CRACD: variants seen among roughly 807,000 people sequenced by gnomAD.
CRACD encodes capping protein inhibiting regulator of actin dynamics.
In CRACD, 56 loss-of-function variants were observed where a neutral mutation model predicts 106.8. The observed-to-expected ratio is 0.52, with a 90% confidence interval of 0.42 to 0.66. CRACD has a LOEUF of 0.66. CRACD is among the 30% of genes least tolerant of loss of function. CRACD has a pLI of 0.00. For synonymous variants in CRACD, 754 were observed against 670.8 expected, an observed-to-expected ratio of 1.12 and a Z score of -1.92; for missense variants, 1,730 against 1,623.2, an observed-to-expected ratio of 1.07 and a Z score of -1.13.
chr4:56,315,846 C>A lies in CRACD; in HGVS notation c.2344C>A (p.Pro782Thr). Residue 782 changes from proline (P) to threonine (T), a missense_variant, in exon 8 of 11, where the codon CCC (proline) becomes ACC (threonine). Pro to Thr is a conservative substitution (Grantham distance 38, BLOSUM62 -1). Coordinates refer to ENST00000682029, the MANE Select transcript of CRACD (RefSeq NM_001393381.1). The surrounding 1 kb of genome is among the most constrained non-coding windows in gnomAD (Gnocchi z 4.1). Reference sequence around the variant, plus strand: ...GGAGAAGTCGGAGATGCACCGGGAGCCCGCAGACACCACCGAGGGATGCAA... The same window carrying A: ...GGAGAAGTCGGAGATGCACCGGGAGACCGCAGACACCACCGAGGGATGCAA... The part of the protein sequence containing the change: ...GPEKSEMHRE[P>T]ADTTEGCKFA... The A allele has an allele frequency of 2.5e-6, 4 of 1,614,188 alleles. No homozygotes were observed. Among genetic ancestry groups the A allele is most frequent in the Non-Finnish European group, 3.4e-6 (4 of 1,180,044 alleles).
chr4:56,219,749 G>A (rs2109510184), intron 2 of CRACD, among the ~76,000 whole-genome samples: 1 of 152,316 alleles, frequency 6.6e-6, no homozygotes, highest in African/African-American at 2.4e-5. Flanking sequence ...AGTGTTCATT[G>A]TGAGCATTGG....
intron 1 of CRACD, among the ~76,000 whole-genome samples, chr4:56,119,625 G>T (rs981129263): frequency 2.0e-5 from 3 of 151,810 alleles, no homozygotes; most frequent in Admixed American, 6.6e-5. Context: ...GTGAGCCACC[G>T]CACCCAGCCC....
chr4:56,255,669 T>TGTCA (rs1560504596), intron 2 of CRACD, among the ~76,000 whole-genome samples: 1 of 152,126 alleles, frequency 6.6e-6, no homozygotes, highest in South Asian at 2.1e-4. Context: ...GGGCCATCCA[T>TGTCA]GTCAGTGAAA....
intron 2 of CRACD, among the ~76,000 whole-genome samples, chr4:56,187,302 C>A (rs1443532104): frequency 1.3e-5 from 2 of 152,026 alleles, no homozygotes; most frequent in Non-Finnish European, 2.9e-5. Flanking sequence ...AGCCTGCGGG[C>A]CTCCCAGAGG....
chr4:56,157,558 C>T (rs188014555), intron 1 of CRACD, among the ~76,000 whole-genome samples: 1 of 152,208 alleles, frequency 6.6e-6, no homozygotes, highest in Admixed American at 6.5e-5. Context: ...CAAATACCAT[C>T]GCTGAGCAAA....
At chr4:56,073,597 G>A (rs577478159) in intron 1 of CRACD, among the ~76,000 whole-genome samples, 24 of 151,930 alleles carry the variant, frequency 1.6e-4, no homozygotes, top group Non-Finnish European at 2.5e-4. Flanking sequence ...TAGATTCTGC[G>A]TATTAGCCTT....
chr4:56,164,121 C>G (rs900589303), intron 1 of CRACD, among the ~76,000 whole-genome samples: 6 of 148,012 alleles, frequency 4.1e-5, no homozygotes, highest in African/African-American at 1.5e-4. Flanking sequence ...TATACTTTTG[C>G]TGGTACAGGA....
At chr4:56,247,862 AG>A (rs1740777981) in intron 2 of CRACD, among the ~76,000 whole-genome samples, 3 of 140,014 alleles carry the variant, frequency 2.1e-5, no homozygotes, top group East Asian at 2.1e-4. Context: ...AAAAAAAAAA[AG>A]AGAGAGAGAG....
intron 2 of CRACD, among the ~76,000 whole-genome samples, chr4:56,185,081 C>T (rs575910529): frequency 1.5e-4 from 23 of 152,224 alleles, no homozygotes; most frequent in African/African-American, 5.3e-4. Context: ...CTCAGCCTCC[C>T]GAGTAGCTGC....
At chr4:56,108,787 T>C (rs1734027339) in intron 1 of CRACD, among the ~76,000 whole-genome samples, 1 of 152,246 alleles carries the variant, frequency 6.6e-6, no homozygotes, top group African/African-American at 2.4e-5. Flanking sequence ...CGTTTTCTTC[T>C]ATGCTGCACT....
At chr4:56,129,000 A>G (rs1734742516) in intron 1 of CRACD, among the ~76,000 whole-genome samples, 1 of 152,186 alleles carries the variant, frequency 6.6e-6, no homozygotes, top group Admixed American at 6.5e-5. Context: ...TATTTTTAAA[A>G]AAACTAATCG....
intron 2 of CRACD, among the ~76,000 whole-genome samples, chr4:56,202,055 A>C (rs1704199390): frequency 6.6e-6 from 1 of 152,256 alleles, no homozygotes; most frequent in Non-Finnish European, 1.5e-5. Flanking sequence ...TGCTTAGCGC[A>C]CATGTGCATG....
intron 6 of CRACD, among the ~76,000 whole-genome samples, chr4:56,311,865 G>A (rs1267219128): frequency 6.6e-6 from 1 of 152,228 alleles, no homozygotes; most frequent in Admixed American, 6.5e-5. Context: ...GCCAGCCTGT[G>A]AATTCTCTGT....
In CRACD at chr4:56,098,292, G is replaced by A. The variant is rs17086281; in HGVS notation, c.-336+48993G>A. Among the ~76,000 whole-genome samples the A allele has an allele frequency of 4.4e-3, 669 of 152,316 alleles. 4 individuals carry two copies. Among genetic ancestry groups the A allele is most frequent in the African/African-American group, 0.015 (607 of 41,566 alleles). Reference sequence around the variant, plus strand: ...TGGTACAGTAGAGTGATAGATTCTGGTATGGACAGGTTGAAAATTCTGCCT... The same window carrying A: ...TGGTACAGTAGAGTGATAGATTCTGATATGGACAGGTTGAAAATTCTGCCT... On this transcript the variant is annotated intron_variant, in intron 1 of 10. Coordinates refer to ENST00000682029, the MANE Select transcript of CRACD (RefSeq NM_001393381.1).
chr4:56,057,472 T>G (rs1044138362), intron 1 of CRACD, among the ~76,000 whole-genome samples: 1 of 152,222 alleles, frequency 6.6e-6, no homozygotes, highest in African/African-American at 2.4e-5. Flanking sequence ...TGTAGATGTT[T>G]AGGCTTAGTT....
At position 56,186,215 on chromosome 4, in the gene CRACD, C is replaced by A. The variant is rs373149088; in HGVS notation, c.-189+6785C>A. ...AAATCCTTTTGTGATGGTAGAAGAGCTCTTGGTCTAATAATACAGAACTTA... is the reference window on the plus strand; with the variant it reads ...AAATCCTTTTGTGATGGTAGAAGAGATCTTGGTCTAATAATACAGAACTTA... On this transcript the variant is annotated intron_variant, in intron 2 of 10. Coordinates refer to ENST00000682029, the MANE Select transcript of CRACD (RefSeq NM_001393381.1). Among the ~76,000 whole-genome samples the A allele has an allele frequency of 2.6e-4, 39 of 152,248 alleles. 1 individual carries two copies. Among genetic ancestry groups the A allele is most frequent in the African/African-American group, 9.4e-4 (39 of 41,550 alleles).
At chr4:56,207,081 C>G (rs112563311) in intron 2 of CRACD, among the ~76,000 whole-genome samples, 12 of 152,162 alleles carry the variant, frequency 7.9e-5, no homozygotes, top group African/African-American at 2.9e-4. Flanking sequence ...TAAAATAGAT[C>G]AAAGAATGAG....
At chr4:56,195,144 T>C (rs542276099) in intron 2 of CRACD, among the ~76,000 whole-genome samples, 1 of 152,198 alleles carries the variant, frequency 6.6e-6, no homozygotes, top group African/African-American at 2.4e-5. Flanking sequence ...AAAGGATATT[T>C]TGAGTTTAAG....
In CRACD at chr4:56,315,783, C is replaced by T; in HGVS notation, c.2281C>T (p.Pro761Ser). ...ACCCAGCGAAGAGACAGCCCCCCAGCCTCCTCCTGCTGGTGTTCGCGAGCT... is the reference window on the plus strand; with the variant it reads ...ACCCAGCGAAGAGACAGCCCCCCAGTCTCCTCCTGCTGGTGTTCGCGAGCT... ...LGPSEETAPQ[P>S]PPAGVRELGK... The change falls in exon 8 of 11, where the codon CCT becomes TCT. Residue 761 changes from proline to serine, a missense_variant. Around this residue, in one of 5 missense-constraint regions of CRACD, gnomAD observed 1,620 missense variants for 1,481.6 expected, o/e 1.09. Transcript: ENST00000682029. The surrounding 1 kb of genome is among the most constrained non-coding windows in gnomAD (Gnocchi z 4.1). The T allele has an allele frequency of 6.2e-7, 1 of 1,614,236 alleles. No homozygotes were observed. Among genetic ancestry groups the T allele is most frequent in the Non-Finnish European group, 8.5e-7 (1 of 1,180,040 alleles).
Sources: allele counts gnomAD v4.1 joint callset (sites outside exome capture counted in the v4.1 genomes callset), GRCh38; gene constraint gnomAD v4.1.1; regional missense constraint gnomAD v4.1.1; non-coding constraint Gnocchi (gnomAD v3.1); transcripts MANE v1.5; gene names NCBI Gene and HGNC (gene_info 2026-07-23, HGNC 2026-07-21).